Variants in DENND1A observed in about 807,000 individuals in gnomAD.
DENND1A encodes DENN domain-containing protein 1A.
In DENND1A, 51 loss-of-function variants were observed where a neutral mutation model predicts 113.7. The observed-to-expected ratio is 0.45, with a 90% CI of 0.36 to 0.57. DENND1A has a LOEUF of 0.57. Ranked by LOEUF, DENND1A falls within the 20% of genes least tolerant of loss-of-function variation. The probability of loss-of-function intolerance (pLI) is 0.00; values close to 1 mark genes in which losing one functional copy is unlikely to be tolerated. For missense variants in DENND1A, 1,258 were observed against 1,395.9 expected, an observed-to-expected ratio of 0.90 and a Z score of 1.57; for synonymous variants, 565 against 570.8, an observed-to-expected ratio of 0.99 and a Z score of 0.14.
At chr9:123,552,068 A>AGAGAGAGAGAGAGG (rs2057117364) in intron 13 of DENND1A, among the ~76,000 whole-genome samples, 2 of 151,176 alleles carry the variant, frequency 1.3e-5, no homozygotes, top group African/African-American at 4.9e-5. Flanking sequence ...AGAGAGAGAG[A>AGAGAGAGAGAGAGG]GGCCAAGGTG....
At chr9:123,680,803 TAGTTC>T (rs1198971863) in intron 5 of DENND1A, among the ~76,000 whole-genome samples, 1 of 152,176 alleles carries the variant, frequency 6.6e-6, no homozygotes, top group East Asian at 1.9e-4. Context: ...CTCTTTCTAC[TAGTTC>T]AGTTCAAAGC....
At chr9:123,566,369 G>A (rs1358788135) in intron 12 of DENND1A, among the ~76,000 whole-genome samples, 1 of 152,222 alleles carries the variant, frequency 6.6e-6, no homozygotes, top group Non-Finnish European at 1.5e-5. Context: ...GGGGGAGTGA[G>A]GGCTGTGCTA....
chr9:123,382,710 GAAT>G, intron 23 of DENND1A, 85 bp from the exon 24 acceptor site: 1 of 1,402,208 alleles, frequency 7.1e-7, no homozygotes, highest in Admixed American at 1.9e-5. Flanking sequence ...TCTGTGTGCT[GAAT>G]GTGTGCTGGG....
At chr9:123,555,678 G>A (rs2057375775) in intron 13 of DENND1A, among the ~76,000 whole-genome samples, 1 of 152,198 alleles carries the variant, frequency 6.6e-6, no homozygotes, top group African/African-American at 2.4e-5. Flanking sequence ...GGATTAAATG[G>A]CTTGCTCAAC....
At chr9:123,600,558 G>T (rs2059897833) in intron 11 of DENND1A, among the ~76,000 whole-genome samples, 1 of 152,202 alleles carries the variant, frequency 6.6e-6, no homozygotes, top group Non-Finnish European at 1.5e-5. Flanking sequence ...GGTATTTCCA[G>T]CAGGAATCTT....
chr9:123,853,451 T>C (rs1332828953), intron 2 of DENND1A, among the ~76,000 whole-genome samples: 2 of 150,680 alleles, frequency 1.3e-5, no homozygotes, highest in Non-Finnish European at 3.0e-5. Context: ...ATGACTTGAG[T>C]TCAGGAGTTC....
chr9:123,496,662 G>T lies in DENND1A; in HGVS notation c.994-38765C>A, dbSNP rs1166485562. On this transcript the variant is annotated intron_variant, in intron 13 of 23. Transcript: ENST00000394215. ...ACCTCTTCAAATCTGCAGATCTGCG[G>T]AACTGCGCAAATATCCTGTGAATCG... Among the ~76,000 whole-genome samples the T allele has an allele frequency of 3.3e-5, 5 of 152,202 alleles. No individual in the cohort carries two copies. The South Asian group carries it at 8.3e-4, about 25-fold the overall frequency.
At chr9:123,631,904 T>C (rs761580311) in intron 9 of DENND1A, among the ~76,000 whole-genome samples, 3 of 152,306 alleles carry the variant, frequency 2.0e-5, no homozygotes, top group East Asian at 3.9e-4. Flanking sequence ...TTTGGAGATA[T>C]AGGTATGAAG....
chr9:123,617,414 G>A (rs557873870), intron 10 of DENND1A, among the ~76,000 whole-genome samples: 24 of 152,314 alleles, frequency 1.6e-4, no homozygotes, highest in Admixed American at 1.3e-3. Flanking sequence ...CACTGGAGCT[G>A]ATCAGTGACT....
chr9:123,572,513 G>A (rs770976700), intron 12 of DENND1A, among the ~76,000 whole-genome samples: 8 of 152,064 alleles, frequency 5.3e-5, no homozygotes, highest in Non-Finnish European at 7.4e-5. Context: ...TATTTTAGCC[G>A]TACCAGTGGG....
At chr9:123,447,349 A>G (rs1302935826) in intron 18 of DENND1A, among the ~76,000 whole-genome samples, 2 of 152,188 alleles carry the variant, frequency 1.3e-5, no homozygotes, top group Non-Finnish European at 2.9e-5. Context: ...AAGTCACACC[A>G]TCGGATCTAT....
chr9:123,526,043 G>A (rs767512566), intron 13 of DENND1A, among the ~76,000 whole-genome samples: 2 of 152,008 alleles, frequency 1.3e-5, no homozygotes, highest in Non-Finnish European at 2.9e-5. Context: ...GGTGTGAGCT[G>A]CTGCACTCAG....
At position 123,382,317 on chromosome 9, in the gene DENND1A, T is replaced by C. The variant is rs745846985; in HGVS notation, c.2328A>G (p.Pro776=). 3.1e-6 allele frequency: 5 copies of C among 1,610,066 alleles called. No individual in the cohort carries two copies. In the East Asian group the frequency reaches 1.1e-4, roughly 36 times the overall value. Residue 776 remains proline (P), a synonymous_variant, in exon 24 of 24, where the codon CCA becomes CCG. Coordinates refer to ENST00000394215, the MANE Select transcript of DENND1A (RefSeq NM_001352964.2). ...RKTPELGIVP[P]PPIPRPAKLQ... ...GCTTGGCCGGGCGGGGAATGGGCGG[T>C]GGAGGCACGATGCCCAGCTCTGGGG...
In DENND1A at chr9:123,450,846, T is replaced by C; in HGVS notation, c.1300-97A>G. On this transcript the variant is annotated intron_variant, in intron 17 of 23. Transcript: ENST00000394215. ...ATCGAGAATCACCTTCTCTGATTAC[T>C]AGAAAAAGGAAGGAAAAATGGGATC... 1 of 967,836 alleles carries C rather than the reference T, an allele frequency of 1.0e-6. No homozygotes were observed. The highest frequency in any genetic ancestry group is 1.5e-6 in the Non-Finnish European group (1 of 661,930). The allele number at this position is 967,836 out of a possible 1,614,324, so 60.0% of individuals were successfully genotyped here.
chr9:123,757,638 AAG>A (rs1300849296), intron 5 of DENND1A, 63 bp downstream of exon 5: 2 of 1,581,154 alleles, frequency 1.3e-6, no homozygotes, highest in African/African-American at 2.7e-5. Context: ...TTAATTACGG[AAG>A]AGCAATGCAG....
At chr9:123,745,769 C>T (rs2069445121) in intron 5 of DENND1A, among the ~76,000 whole-genome samples, 1 of 152,146 alleles carries the variant, frequency 6.6e-6, no homozygotes, top group African/African-American at 2.4e-5. Context: ...CCCTTTATCT[C>T]TACAATGGAG....
chr9:123,698,791 C>T (rs940032789), intron 5 of DENND1A, among the ~76,000 whole-genome samples: 4 of 152,146 alleles, frequency 2.6e-5, no homozygotes, highest in Non-Finnish European at 5.9e-5. Context: ...CTTTGCCCTG[C>T]GTACTACGTT....
intron 5 of DENND1A, among the ~76,000 whole-genome samples, chr9:123,750,563 C>G (rs138825621): frequency 1.3e-5 from 2 of 152,346 alleles, no homozygotes; most frequent in Admixed American, 6.5e-5. Context: ...AATTATCAAT[C>G]TGCCTTAGCA....
chr9:123,693,038 A>T (rs912555259), intron 5 of DENND1A, among the ~76,000 whole-genome samples: 1 of 152,202 alleles, frequency 6.6e-6, no homozygotes, highest in Non-Finnish European at 1.5e-5. Flanking sequence ...AAAGCTCATG[A>T]TCCTTTTTCT....
Sources: allele counts gnomAD v4.1 joint callset (sites outside exome capture counted in the v4.1 genomes callset), GRCh38; gene constraint gnomAD v4.1.1; transcripts MANE v1.5; gene names NCBI Gene and HGNC (gene_info 2026-07-23, HGNC 2026-07-21).